The following AP3B1 variants were observed in gnomAD, a reference collection of about 807,000 sequenced individuals.
AP3B1 encodes AP-3 complex subunit beta-1.
In AP3B1, 61 loss-of-function variants were observed where a neutral mutation model predicts 132.5. That is an observed-to-expected ratio of 0.46 (90% confidence interval 0.37 to 0.57). The LOEUF (loss-of-function observed/expected upper bound fraction) is 0.57. Ranked by LOEUF, AP3B1 falls within the 20% of genes least tolerant of loss-of-function variation. The probability of loss-of-function intolerance (pLI) is 0.00; values close to 1 mark genes in which losing one functional copy is unlikely to be tolerated. For synonymous variants in AP3B1, 388 were observed against 438.3 expected (o/e 0.89, Z 1.43); for missense variants, 1,120 against 1,289.4 (o/e 0.87, Z 2.01).
At chr5:78,015,585 CT>C in intron 25 of AP3B1, 37 bp from the exon 26 acceptor site, 1 of 1,608,370 alleles carries the variant, frequency 6.2e-7, no homozygotes, top group Non-Finnish European at 8.5e-7. Context: ...TTATTAATTT[CT>C]TTTTGAAAAT....
Position 78,002,586 on chromosome 5 carries a change from C to G in AP3B1, c.*316G>C, listed in dbSNP as rs1265111406. 2.8e-5 allele frequency: 16 copies of G among 572,396 alleles called. No homozygotes were observed. Among genetic ancestry groups the G allele is most frequent in the Admixed American group, 9.6e-5 (3 of 31,190 alleles). 35.5% of individuals were successfully genotyped at this position (572,396 alleles called of 1,614,324 possible). A position where few individuals can be genotyped will look rare whatever the true frequency, so the allele number is the denominator to read the frequency against. On this transcript the variant is annotated 3_prime_UTR_variant, in exon 27 of 27. Coordinates refer to ENST00000255194, the MANE Select transcript of AP3B1 (RefSeq NM_003664.5). ...TGAACTTTAAATATCTCATTCATGT[C>G]TACCATTGTCGAAAAAGAGAAGGAA...
At chr5:78,121,691 T>A (rs1470381446) in intron 17 of AP3B1, 1 of 152,198 alleles carries the variant, frequency 6.6e-6, no homozygotes, top group Non-Finnish European at 1.5e-5. Context: ...TCTGAAATTG[T>A]GACAATAATC....
At position 78,019,441 on chromosome 5, in the gene AP3B1, T is replaced by C. The variant is rs375627240; in HGVS notation, c.2992+1251A>G. 7.2e-5 allele frequency among the ~76,000 whole-genome samples: 11 copies of C among 152,302 alleles called. No homozygotes were observed. In the East Asian group the frequency reaches 1.7e-3, roughly 24 times the overall value. On this transcript the variant is annotated intron_variant, in intron 25 of 26. Transcript: ENST00000255194. ...CCTTAACAATAAATGTGCCAAAGCC[T>C]TATTCAGTCACCGTGTGCCACTCAC... is the stretch of plus-strand genomic sequence containing the variant.
chr5:78,044,042 T>C (rs1014111628), intron 22 of AP3B1: 3 of 303,704 alleles, frequency 9.9e-6, no homozygotes, highest in Middle Eastern at 8.3e-4. Context: ...CTTGTTAGAA[T>C]AGAAGGTATT....
rs201486654 is a variant in AP3B1 at position 78,191,364 on chromosome 5, A to C, written c.787-9702T>G. ...GGAATTGCTTTTCCCCAAAAAAAAA[A>C]AAAAAAAAAAAAAGGATGTGTTAAT... is the stretch of plus-strand genomic sequence containing the variant. On this transcript the variant is annotated intron_variant, in intron 7 of 26. Transcript: ENST00000255194. 9.2e-3 allele frequency among the ~76,000 whole-genome samples: 1,305 copies of C among 142,044 alleles called. 15 individuals carry two copies. Among genetic ancestry groups the C allele is most frequent in the Middle Eastern group, 0.023 (6 of 262 alleles). 93.2% of individuals were successfully genotyped at this position (142,044 alleles called of 152,430 possible). A position where few individuals can be genotyped will look rare whatever the true frequency, so the allele number is the denominator to read the frequency against.
rs933653334 is a variant in AP3B1 at position 78,113,812 on chromosome 5, C to T, written c.2189G>A (p.Arg730Gln). Residue 730 changes from arginine (R) to glutamine (Q), a missense_variant, in exon 19 of 27, where the codon CGG (arginine) becomes CAG (glutamine). By Grantham distance (43) the Arg-to-Gln change is conservative (BLOSUM62 1). Transcript: ENST00000255194. ...SSSEQDSESG[R>Q]ESGLENKRTA... ...TCTTTTGTTTTCTAGGCCTGACTCC[C>T]GTCCACTCTCACTGTCCTGCTCACT... The T allele has an allele frequency of 8.7e-6, 14 of 1,614,066 alleles. No individual in the cohort carries two copies. The highest frequency in any genetic ancestry group is 3.3e-4 in the Middle Eastern group (2 of 6,084).
At chr5:78,157,266 T>C (rs1172207467) in intron 13 of AP3B1, among the ~76,000 whole-genome samples, 1 of 152,218 alleles carries the variant, frequency 6.6e-6, no homozygotes, top group African/African-American at 2.4e-5. Flanking sequence ...CTCCCACTGT[T>C]GATAGCCTGT....
In AP3B1 at chr5:78,128,095, C is replaced by T. The variant is rs1381722917; in HGVS notation, c.1903G>A (p.Glu635Lys). Residue 635 changes from glutamate (E) to lysine (K), a missense_variant, in exon 17 of 27, where the codon GAA becomes AAA. Physicochemically the swap from Glu to Lys is moderately conservative, Grantham distance 56. Coordinates refer to ENST00000255194, the MANE Select transcript of AP3B1 (RefSeq NM_003664.5). ...TLNIKATGYL[E>K]LSNWPEVAPD... ...GCCACCTCTGGCCAATTAGATAATTCCAGGTACCCAGTAGCTTTAATGTTG... is the reference window on the plus strand; with the variant it reads ...GCCACCTCTGGCCAATTAGATAATTTCAGGTACCCAGTAGCTTTAATGTTG... 6.2e-6 allele frequency: 10 copies of T among 1,613,048 alleles called. No homozygotes were observed. The highest frequency in any genetic ancestry group is 7.6e-6 in the Non-Finnish European group (9 of 1,179,322).
chr5:78,126,526 A>G (rs1427415902), intron 17 of AP3B1, among the ~76,000 whole-genome samples: 1 of 141,754 alleles, frequency 7.1e-6, no homozygotes, highest in East Asian at 2.0e-4. Flanking sequence ...AAAAAAAAAA[A>G]AAAAAAATTG....
In AP3B1 at chr5:78,174,174, G is replaced by A. The variant is rs1315949133; in HGVS notation, c.1167+1452C>T. Among the ~76,000 whole-genome samples the A allele has an allele frequency of 2.0e-5, 3 of 152,178 alleles. No individual in the cohort carries two copies. The East Asian group carries it at 5.8e-4, about 29-fold the overall frequency. ...AGTTTGTTACTACCGACCTTCTGAA[G>A]CCTACTTCCGTCAACTCATCAAAGT... On this transcript the variant is annotated intron_variant, in intron 11 of 26. Transcript: ENST00000255194.
intron 6 of AP3B1, among the ~76,000 whole-genome samples, chr5:78,216,988 C>T (rs1745990398): frequency 6.6e-6 from 1 of 152,032 alleles, no homozygotes; most frequent in Admixed American, 6.6e-5. Flanking sequence ...AAGACACAAA[C>T]TAAGCAGAAT....
intron 2 of AP3B1, among the ~76,000 whole-genome samples, chr5:78,262,218 T>C (rs1372719586): frequency 6.6e-6 from 1 of 152,244 alleles, no homozygotes. Flanking sequence ...TGCACACAAG[T>C]TTTAATTTTG....
rs950838494 is a variant in AP3B1 at position 78,165,791 on chromosome 5, G to A, written c.1168-119C>T. On this transcript the variant is annotated intron_variant, in intron 11 of 26. Transcript: ENST00000255194. The stretch of plus-strand genomic sequence containing the variant: ...ACTTTTAAAAATCACATTGTCAGCC[G>A]GGCACAGTGGCTCATGCCTGTAATC... 26 of 792,716 alleles carry A rather than the reference G, an allele frequency of 3.3e-5. 1 individual carries two copies. The highest frequency in any genetic ancestry group is 8.4e-5 in the East Asian group (3 of 35,850). The allele number at this position is 792,716 out of a possible 1,614,324, so 49.1% of individuals were successfully genotyped here.
intron 24 of AP3B1, among the ~76,000 whole-genome samples, chr5:78,021,740 C>A (rs555549485): frequency 6.6e-6 from 1 of 152,310 alleles, no homozygotes; most frequent in South Asian, 2.1e-4. Context: ...GCCATCCTTA[C>A]TATGTTGGCT....
At chr5:78,020,407 T>C (rs1293880811) in intron 25 of AP3B1, among the ~76,000 whole-genome samples, 4 of 152,062 alleles carry the variant, frequency 2.6e-5, no homozygotes, top group African/African-American at 9.7e-5. Context: ...CAAAACCCAT[T>C]AGTATATCAT....
chr5:78,123,509 C>T (rs1239026142), intron 17 of AP3B1, among the ~76,000 whole-genome samples: 2 of 151,898 alleles, frequency 1.3e-5, no homozygotes. Flanking sequence ...AAGAAAAAAA[C>T]AAACAACCCC....
intron 20 of AP3B1, among the ~76,000 whole-genome samples, chr5:78,101,669 C>T (rs1751129208): frequency 6.6e-6 from 1 of 151,958 alleles, no homozygotes; most frequent in Non-Finnish European, 1.5e-5. Flanking sequence ...CTAGGGCTTC[C>T]CCCAGCAGAG....
chr5:78,028,783 T>A (rs1313969115), intron 24 of AP3B1, among the ~76,000 whole-genome samples: 1 of 152,176 alleles, frequency 6.6e-6, no homozygotes, highest in Non-Finnish European at 1.5e-5. Context: ...TCTAGAAAAA[T>A]TCTCTTTTTT....
At chr5:78,122,895 C>T (rs12654934) in intron 17 of AP3B1, among the ~76,000 whole-genome samples, 43,250 of 152,114 alleles carry the variant, frequency 0.28, 6,441 homozygotes, top group Admixed American at 0.4. Context: ...CCAAGTCAAT[C>T]CTAAGCCAAA....
Sources: allele counts gnomAD v4.1 joint callset (sites outside exome capture counted in the v4.1 genomes callset), GRCh38; gene constraint gnomAD v4.1.1; transcripts MANE v1.5; gene names NCBI Gene and HGNC (gene_info 2026-07-23, HGNC 2026-07-21).